Variants in SMAD3 observed in about 807,000 individuals in gnomAD.
SMAD3 encodes the protein SMAD family member 3.
Under a neutral mutation model 51.8 loss-of-function variants are expected in SMAD3, and 12 were observed. That is an observed-to-expected ratio of 0.23 (90% CI 0.15 to 0.38). The LOEUF (loss-of-function observed/expected upper bound fraction) is 0.38. Among genes scored for constraint, SMAD3 ranks in the 10% least tolerant of loss-of-function variants. The pLI, the probability that SMAD3 is intolerant of heterozygous loss-of-function variation, is 1.00. For synonymous variants in SMAD3, 238 were observed against 227.7 expected (o/e 1.05, Z -0.41); for missense variants, 294 against 565.6 (o/e 0.52, Z 4.87).
intron 1 of SMAD3, among the ~76,000 whole-genome samples, chr15:67,103,456 A>G (rs1028271027): frequency 1.3e-5 from 2 of 152,220 alleles, no homozygotes; most frequent in Non-Finnish European, 2.9e-5. Flanking sequence ...TGAGTTATTC[A>G]TGGTTTTGTG....
At chr15:67,083,703 A>G (rs1338576313) in intron 1 of SMAD3, among the ~76,000 whole-genome samples, 1 of 152,232 alleles carries the variant, frequency 6.6e-6, no homozygotes, top group Non-Finnish European at 1.5e-5. Context: ...CCTCAGCTCC[A>G]GCTGCTCTCT....
At chr15:67,104,207 T>C (rs1292908488) in intron 1 of SMAD3, among the ~76,000 whole-genome samples, 3 of 152,080 alleles carry the variant, frequency 2.0e-5, no homozygotes, top group African/African-American at 7.2e-5. Context: ...ATATTTCAAC[T>C]TCTGTAATCC....
rs755354518 is a variant in SMAD3, at chr15:67,165,302, C to T, written c.450C>T (p.Phe150=). ...GCCACACAGAGATCCCGGCCGAGTT[C>T]CCCCCACTGGACGACTACAGCCATT... is the stretch of plus-strand genomic sequence containing the variant. The part of the protein sequence containing the change: ...VPRHTEIPAE[F]PPLDDYSHSI... The change falls in exon 3 of 9, where the codon TTC becomes TTT. Residue 150 remains phenylalanine (F), a synonymous_variant. Transcript: ENST00000327367. 4 of 1,614,032 alleles carry T rather than the reference C, an allele frequency of 2.5e-6. No homozygotes were observed. The highest frequency in any genetic ancestry group is 3.4e-6 in the Non-Finnish European group (4 of 1,179,992).
At chr15:67,123,744 C>T (rs1303320331) in intron 1 of SMAD3, among the ~76,000 whole-genome samples, 1 of 152,146 alleles carries the variant, frequency 6.6e-6, no homozygotes, top group African/African-American at 2.4e-5. Flanking sequence ...AGAATATACT[C>T]AATGTTTTTC....
At chr15:67,176,242 G>A (rs956542636) in intron 5 of SMAD3, among the ~76,000 whole-genome samples, 7 of 152,316 alleles carry the variant, frequency 4.6e-5, no homozygotes, top group African/African-American at 1.7e-4. Flanking sequence ...GAGGCAGTGA[G>A]GGAGTGTTTC....
intron 1 of SMAD3, among the ~76,000 whole-genome samples, chr15:67,072,406 C>A (rs1443586581): frequency 6.6e-6 from 1 of 152,198 alleles, no homozygotes; most frequent in Non-Finnish European, 1.5e-5. Context: ...TTCACCTCTC[C>A]TTCAGCTTCC....
Position 67,164,094 on chromosome 15 carries a change from G to A in SMAD3, c.207-801G>A, listed in dbSNP as rs183010210. 1.6e-4 allele frequency among the ~76,000 whole-genome samples: 25 copies of A among 151,884 alleles called. No individual in the cohort carries two copies. The East Asian group carries it at 4.5e-3, about 27-fold the overall frequency. On this transcript the variant is annotated intron_variant, in intron 1 of 8. Coordinates refer to ENST00000327367, the MANE Select transcript of SMAD3 (RefSeq NM_005902.4). Reference sequence around the variant, plus strand: ...TGGGAGGCTGAGGCGGGCAGATCACGAGGTTAGGAGATCGAGACCATCCTG... The same window carrying A: ...TGGGAGGCTGAGGCGGGCAGATCACAAGGTTAGGAGATCGAGACCATCCTG...
intron 5 of SMAD3, among the ~76,000 whole-genome samples, chr15:67,175,303 C>T (rs931175380): frequency 2.6e-5 from 4 of 152,138 alleles, no homozygotes; most frequent in Non-Finnish European, 5.9e-5. Flanking sequence ...TCCAGAGTGC[C>T]AGTGGCAGGA....
chr15:67,175,126 A>C (rs1483535387), intron 5 of SMAD3, among the ~76,000 whole-genome samples: 1 of 152,184 alleles, frequency 6.6e-6, no homozygotes, highest in African/African-American at 2.4e-5. Flanking sequence ...GGGAAGGAGG[A>C]GGCAGGTGGA....
chr15:67,186,462 G>A (rs1471734880), intron 7 of SMAD3, among the ~76,000 whole-genome samples: 1 of 152,140 alleles, frequency 6.6e-6, no homozygotes, highest in Admixed American at 6.5e-5. Context: ...AGAGACACAG[G>A]GTCCCCAAGA....
rs756801137 is a variant in SMAD3 at position 67,170,669 on chromosome 15, G to A, written c.658+65G>A. 6 of 1,411,644 alleles carry A rather than the reference G, an allele frequency of 4.3e-6. No homozygotes were observed. The South Asian group carries it at 4.6e-5, about 11-fold the overall frequency. 87.4% of individuals were successfully genotyped at this position (1,411,644 alleles called of 1,614,324 possible). A position where few individuals can be genotyped will look rare whatever the true frequency, so the allele number is the denominator to read the frequency against. On this transcript the variant is annotated intron_variant, in intron 5 of 8. Coordinates refer to ENST00000327367, the MANE Select transcript of SMAD3 (RefSeq NM_005902.4). Reference sequence around the variant, plus strand: ...GCTGCAGCCCTGGCGAGTCGCCAGTGTGGGGAGGGGGCCCTGAAGGTAAGG... The same window carrying A: ...GCTGCAGCCCTGGCGAGTCGCCAGTATGGGGAGGGGGCCCTGAAGGTAAGG...
At chr15:67,103,834 C>T (rs1960817119) in intron 1 of SMAD3, among the ~76,000 whole-genome samples, 1 of 152,196 alleles carries the variant, frequency 6.6e-6, no homozygotes, top group African/African-American at 2.4e-5. Context: ...CCCTGGACCT[C>T]TTTCTTTGTG....
At chr15:67,130,428 C>T (rs768296190) in intron 1 of SMAD3, among the ~76,000 whole-genome samples, 4 of 152,314 alleles carry the variant, frequency 2.6e-5, no homozygotes, top group South Asian at 4.1e-4. Context: ...GTGAGCATTA[C>T]GGCCAGAGCT....
intron 1 of SMAD3, among the ~76,000 whole-genome samples, chr15:67,091,151 GCACACA>G (rs1375549804): frequency 6.6e-6 from 1 of 152,218 alleles, no homozygotes; most frequent in Non-Finnish European, 1.5e-5. Flanking sequence ...CCATGCCCTG[GCACACA>G]CATTGCTATG....
At chr15:67,154,653 G>T (rs1296125464) in intron 1 of SMAD3, among the ~76,000 whole-genome samples, 1 of 152,162 alleles carries the variant, frequency 6.6e-6, no homozygotes, top group Non-Finnish European at 1.5e-5. Context: ...AAATGCCAGG[G>T]TGTAGTATAT....
At chr15:67,114,569 C>A (rs1961094926) in intron 1 of SMAD3, among the ~76,000 whole-genome samples, 1 of 152,172 alleles carries the variant, frequency 6.6e-6, no homozygotes, top group African/African-American at 2.4e-5. Context: ...GGGTAGTTGT[C>A]ATTACTTCGC....
intron 1 of SMAD3, among the ~76,000 whole-genome samples, chr15:67,147,882 G>A (rs1962022418): frequency 6.6e-6 from 1 of 152,146 alleles, no homozygotes; most frequent in South Asian, 2.1e-4. Flanking sequence ...AGTTGATGTT[G>A]GCGTCGGGTT....
chr15:67,130,877 A>G lies in SMAD3; in HGVS notation c.207-34018A>G, dbSNP rs558217440. 2.1e-5 allele frequency among the ~76,000 whole-genome samples: 3 copies of G among 145,826 alleles called. No individual in the cohort carries two copies. In the South Asian group the frequency reaches 6.8e-4, roughly 33 times the overall value. ...AACCCTTCGGTGGACAGGGTTGGTG[A>G]TAGCTAGTGGGGGGTATGAGGTGGG... On this transcript the variant is annotated intron_variant, in intron 1 of 8. Coordinates refer to ENST00000327367, the MANE Select transcript of SMAD3 (RefSeq NM_005902.4).
intron 1 of SMAD3, among the ~76,000 whole-genome samples, chr15:67,140,128 A>AC (rs965031593): frequency 1.3e-5 from 2 of 151,724 alleles, no homozygotes; most frequent in African/African-American, 4.8e-5. Flanking sequence ...GTCTCAAAAA[A>AC]AAAAAGAGAA....
Sources: gnomAD v4.1 joint callset for allele counts (sites outside exome capture counted in the v4.1 genomes callset) on GRCh38, gnomAD v4.1.1 for gene constraint, MANE v1.5 for transcripts, NCBI Gene and HGNC (gene_info 2026-07-23, HGNC 2026-07-21) for gene names.